PSD3: variants seen among roughly 807,000 people sequenced by gnomAD.
PSD3 encodes pleckstrin and Sec7 domain containing 3, also known as PH and SEC7 domain-containing protein 3.
A neutral mutation model predicts 105.5 loss-of-function variants in PSD3; 49 were observed. The ratio of observed to expected loss-of-function variants is 0.46; its 90% confidence interval spans 0.37 to 0.59. The LOEUF (loss-of-function observed/expected upper bound fraction) is 0.59. PSD3 is among the 20% of genes least tolerant of loss of function. The pLI, the probability that PSD3 is intolerant of heterozygous loss-of-function variation, is 0.00. For synonymous variants in PSD3, 557 were observed against 457.8 expected, an observed-to-expected ratio of 1.22 and a Z score of -2.77; for missense variants, 1,561 against 1,263.8, an observed-to-expected ratio of 1.24 and a Z score of -3.57.
chr8:18,760,072 C>T (rs532143683), intron 9 of PSD3, among the ~76,000 whole-genome samples: 2 of 151,312 alleles, frequency 1.3e-5, no homozygotes, highest in East Asian at 3.9e-4. Context: ...TGCAGAGGAT[C>T]AAGACACTGC....
chr8:18,799,840 C>T (rs1012053506), intron 7 of PSD3, among the ~76,000 whole-genome samples: 7 of 152,192 alleles, frequency 4.6e-5, no homozygotes, highest in Non-Finnish European at 1.0e-4. Context: ...GTTCTCGTTA[C>T]TCTCACTCTG....
intron 10 of PSD3, among the ~76,000 whole-genome samples, chr8:18,635,564 C>A (rs1285623503): frequency 1.3e-5 from 2 of 152,036 alleles, no homozygotes; most frequent in South Asian, 2.1e-4. Context: ...CAGCCTCAGG[C>A]AGGTCTTTCA....
In PSD3 at chr8:18,575,313, G is replaced by A. The variant is rs765035230; in HGVS notation, c.2482-28C>T. ...ATAGATGGACACAAAGAAAATAAAG[G>A]CAAAAATCACGATCAGATTTCAACT... On this transcript the variant is annotated intron_variant, in intron 12 of 15. Transcript: ENST00000327040. The A allele has an allele frequency of 1.1e-5, 16 of 1,510,398 alleles. No individual in the cohort carries two copies. The South Asian group carries it at 1.1e-4, about 10-fold the overall frequency. 93.6% of individuals were successfully genotyped at this position (1,510,398 alleles called of 1,614,324 possible). A position where few individuals can be genotyped will look rare whatever the true frequency, so the allele number is the denominator to read the frequency against.
At chr8:18,568,539 C>G (rs1479771488) in intron 14 of PSD3, among the ~76,000 whole-genome samples, 2 of 152,094 alleles carry the variant, frequency 1.3e-5, no homozygotes, top group Non-Finnish European at 2.9e-5. Context: ...CAGCCTGTTT[C>G]CTCTACTTCC....
In PSD3 at chr8:18,900,074, G is replaced by A. The variant is rs532969823; in HGVS notation, c.131-27341C>T. On this transcript the variant is annotated intron_variant, in intron 2 of 15. Coordinates refer to ENST00000327040, the MANE Select transcript of PSD3 (RefSeq NM_015310.4). ...TCTTCTCAATGATTTTCTTAATGGT[G>A]TCTGGGAACTTGTCTACTGCTTCTT... Among the ~76,000 whole-genome samples, 51 of 152,230 alleles carry A rather than the reference G, an allele frequency of 3.4e-4. No individual in the cohort carries two copies. The South Asian group carries it at 8.5e-3, about 25-fold the overall frequency.
chr8:18,557,408 T>C (rs1342141983), intron 14 of PSD3: 2 of 152,886 alleles, frequency 1.3e-5, no homozygotes, highest in African/African-American at 4.8e-5. Flanking sequence ...ATATATAATA[T>C]TGTTGTAAAT....
chr8:18,866,535 T>A (rs1816945827), intron 4 of PSD3, among the ~76,000 whole-genome samples: 2 of 152,320 alleles, frequency 1.3e-5, no homozygotes, highest in South Asian at 4.1e-4. Flanking sequence ...CCCAAGTACT[T>A]CAGACCAAAG....
At position 18,549,436 on chromosome 8, in the gene PSD3, G is replaced by A. The variant is rs562571924; in HGVS notation, c.2928+6773C>T. Among the ~76,000 whole-genome samples, 6 of 152,126 alleles carry A rather than the reference G, an allele frequency of 3.9e-5. No homozygotes were observed. In the East Asian group the frequency reaches 5.8e-4, roughly 15 times the overall value. Reference sequence around the variant, plus strand: ...TTGGCCAGGCTGGTCTTGAACTCCCGACCTCAGGTGATCCACTCACCTCGG... The same window carrying A: ...TTGGCCAGGCTGGTCTTGAACTCCCAACCTCAGGTGATCCACTCACCTCGG... On this transcript the variant is annotated intron_variant, in intron 15 of 15. Transcript: ENST00000327040.
intron 1 of PSD3, among the ~76,000 whole-genome samples, chr8:18,953,566 T>TCTG (rs1186930850): frequency 5.9e-5 from 9 of 151,920 alleles, no homozygotes; most frequent in African/African-American, 2.2e-4. Flanking sequence ...CTGGCCAACA[T>TCTG]GTTAAAACCC....
chr8:18,608,630 C>T (rs976457483), intron 11 of PSD3, among the ~76,000 whole-genome samples: 1 of 152,104 alleles, frequency 6.6e-6, no homozygotes, highest in Non-Finnish European at 1.5e-5. Flanking sequence ...TTAGTTATTA[C>T]CACTGATTTT....
chr8:18,580,479 G>A (rs2130402056), intron 12 of PSD3, among the ~76,000 whole-genome samples: 1 of 152,158 alleles, frequency 6.6e-6, no homozygotes. Flanking sequence ...GAGCCTAGGA[G>A]GTCAAAGCTG....
intron 12 of PSD3, among the ~76,000 whole-genome samples, chr8:18,584,156 C>T (rs1244312923): frequency 6.6e-6 from 1 of 152,182 alleles, no homozygotes; most frequent in East Asian, 1.9e-4. Context: ...AGATACGAGA[C>T]ATTTTCCAGT....
chr8:18,943,254 G>A (rs1353394475), intron 1 of PSD3, among the ~76,000 whole-genome samples: 1 of 152,152 alleles, frequency 6.6e-6, no homozygotes, highest in African/African-American at 2.4e-5. Flanking sequence ...TCTATAACAG[G>A]TTTATGGGGA....
intron 9 of PSD3, among the ~76,000 whole-genome samples, chr8:18,744,021 C>T (rs1274901299): frequency 2.0e-5 from 3 of 147,306 alleles, no homozygotes; most frequent in African/African-American, 7.9e-5. Flanking sequence ...TAATATGCTG[C>T]TCCCCTGACA....
intron 2 of PSD3, among the ~76,000 whole-genome samples, chr8:18,903,355 C>T (rs1172327075): frequency 1.3e-5 from 2 of 152,092 alleles, no homozygotes; most frequent in African/African-American, 4.8e-5. Context: ...GCATCTGAGC[C>T]TCTGTGAGGC....
chr8:18,737,993 G>A (rs893436608), intron 9 of PSD3, among the ~76,000 whole-genome samples: 1 of 152,176 alleles, frequency 6.6e-6, no homozygotes, highest in Non-Finnish European at 1.5e-5. Context: ...GCTTGCAGAT[G>A]ACACCAACTA....
intron 9 of PSD3, among the ~76,000 whole-genome samples, chr8:18,745,635 G>C (rs995224104): frequency 1.3e-5 from 2 of 152,168 alleles, no homozygotes; most frequent in Admixed American, 6.5e-5. Flanking sequence ...ACAGTATTTA[G>C]AAACCAAGGT....
chr8:18,817,501 G>T (rs997990309), intron 4 of PSD3, among the ~76,000 whole-genome samples: 1 of 152,116 alleles, frequency 6.6e-6, no homozygotes, highest in African/African-American at 2.4e-5. Flanking sequence ...ACAGCACCTT[G>T]GATAATGGCT....
At chr8:18,586,780 G>A (rs778578101) in intron 12 of PSD3, among the ~76,000 whole-genome samples, 24 of 152,142 alleles carry the variant, frequency 1.6e-4, no homozygotes, top group East Asian at 3.9e-4. Context: ...GTTGGCAGCC[G>A]CAAGGGGGAA....
Sources: allele counts gnomAD v4.1 joint callset (sites outside exome capture counted in the v4.1 genomes callset), GRCh38; gene constraint gnomAD v4.1.1; transcripts MANE v1.5; gene names NCBI Gene and HGNC (gene_info 2026-07-23, HGNC 2026-07-21).